The following STARD13 variants were observed in gnomAD, a reference collection of about 807,000 sequenced individuals.
The protein encoded by STARD13 is stAR-related lipid transfer protein 13.
STARD13 carries 62 observed loss-of-function variants against 106.4 expected under a neutral mutation model. The observed-to-expected ratio is 0.58, with a 90% CI of 0.48 to 0.72. STARD13 has a LOEUF of 0.72. Among genes scored for constraint, STARD13 ranks in the 30% least tolerant of loss-of-function variants. STARD13 has a pLI of 0.00. For missense variants in STARD13, 1,387 were observed against 1,424.0 expected (o/e 0.97, Z 0.42); for synonymous variants, 565 against 553.0 (o/e 1.02, Z -0.31).
At chr13:33,218,899 C>A (rs888067750) in intron 1 of STARD13, among the ~76,000 whole-genome samples, 2 of 152,132 alleles carry the variant, frequency 1.3e-5, no homozygotes, top group African/African-American at 4.8e-5. Flanking sequence ...TTATGCTGAA[C>A]AACACGGCAC....
intron 1 of STARD13, among the ~76,000 whole-genome samples, chr13:33,174,611 C>G (rs9527171): frequency 0.23 from 34,513 of 152,158 alleles, 4,909 homozygotes; most frequent in South Asian, 0.38. Context: ...AACAGCAGAC[C>G]AGCTGCTGAC....
intron 9 of STARD13, among the ~76,000 whole-genome samples, 200 bp from the exon 10 acceptor site, chr13:33,112,092 T>C (rs2138074075): frequency 1.3e-5 from 2 of 152,352 alleles, no homozygotes; most frequent in Non-Finnish European, 2.9e-5. Flanking sequence ...GGAAAAATCT[T>C]GGAAAACTAA....
At chr13:33,586,483 G>A in the STARD13 span, among the ~76,000 whole-genome samples, 1 of 152,158 alleles carries the variant, frequency 6.6e-6, no homozygotes, top group South Asian at 2.1e-4. Flanking sequence ...AGAAGAAGGG[G>A]AGGATTGCTA....
the STARD13 span, among the ~76,000 whole-genome samples, chr13:33,628,941 C>G: frequency 1.3e-5 from 2 of 152,206 alleles, no homozygotes; most frequent in Non-Finnish European, 2.9e-5. Flanking sequence ...GCTATTTGCT[C>G]AGTGCCAATG....
chr13:33,635,269 C>G, the STARD13 span, among the ~76,000 whole-genome samples: 3 of 151,992 alleles, frequency 2.0e-5, no homozygotes, highest in African/African-American at 7.3e-5. Context: ...GTTAAAATCC[C>G]GTTTCTAACA....
chr13:33,496,100 ATTAT>A, the STARD13 span, among the ~76,000 whole-genome samples: 1 of 142,078 alleles, frequency 7.0e-6, no homozygotes, highest in South Asian at 2.1e-4. Context: ...TAACTAAATA[ATTAT>A]TTAAATAATT....
the STARD13 span, among the ~76,000 whole-genome samples, chr13:33,561,577 A>G: frequency 8.7e-5 from 13 of 150,164 alleles, 1 homozygote; most frequent in Non-Finnish European, 4.4e-5. Context: ...GTGCCAGTGT[A>G]CCTGCCTGAA....
At chr13:33,521,655 G>T in the STARD13 span, among the ~76,000 whole-genome samples, 2 of 152,230 alleles carry the variant, frequency 1.3e-5, no homozygotes, top group Non-Finnish European at 2.9e-5. Flanking sequence ...ATTAACACCT[G>T]AGGATATATA....
chr13:33,445,633 T>C, the STARD13 span, among the ~76,000 whole-genome samples: 1 of 152,066 alleles, frequency 6.6e-6, no homozygotes, highest in Non-Finnish European at 1.5e-5. Context: ...TATATATATG[T>C]TTATTTGGCT....
At chr13:33,503,554 T>A in the STARD13 span, among the ~76,000 whole-genome samples, 1 of 152,248 alleles carries the variant, frequency 6.6e-6, no homozygotes, top group Non-Finnish European at 1.5e-5. Flanking sequence ...CTGCTTTAAA[T>A]ATGTGCCAGA....
At chr13:33,404,592 A>C in the STARD13 span, among the ~76,000 whole-genome samples, 1 of 152,182 alleles carries the variant, frequency 6.6e-6, no homozygotes, top group African/African-American at 2.4e-5. Flanking sequence ...CACTCTAAAC[A>C]ATAAAGTAAG....
At chr13:33,341,465 T>C (rs546613641) in intron 1 of STARD13, among the ~76,000 whole-genome samples, 1 of 152,074 alleles carries the variant, frequency 6.6e-6, no homozygotes, top group African/African-American at 2.4e-5. Flanking sequence ...GGTGAAATCC[T>C]GTCTCTACTA....
the STARD13 span, among the ~76,000 whole-genome samples, chr13:33,584,851 CT>C: frequency 1.3e-5 from 2 of 151,884 alleles, no homozygotes; most frequent in Non-Finnish European, 2.9e-5. Context: ...TGAGATTCAG[CT>C]GTTTAAAAGT....
At chr13:33,491,829 C>A in the STARD13 span, among the ~76,000 whole-genome samples, 1 of 151,962 alleles carries the variant, frequency 6.6e-6, no homozygotes, top group Non-Finnish European at 1.5e-5. Context: ...AATGCAAGAA[C>A]CTCTGGTAGT....
At chr13:33,532,896 T>C in the STARD13 span, among the ~76,000 whole-genome samples, 47,018 of 152,098 alleles carry the variant, frequency 0.31, 8,177 homozygotes, top group Non-Finnish European at 0.4. Context: ...AAGTGGTTCT[T>C]GTGGACCAGA....
chr13:33,190,588 CTT>C (rs71196510), intron 1 of STARD13, among the ~76,000 whole-genome samples: 67 of 131,128 alleles, frequency 5.1e-4, no homozygotes, highest in African/African-American at 5.3e-4. Context: ...CTTTTCTTTT[CTT>C]TTTTTTTTTT....
the STARD13 span, among the ~76,000 whole-genome samples, chr13:33,449,011 A>G: frequency 3.3e-5 from 5 of 151,762 alleles, no homozygotes; most frequent in East Asian, 1.9e-4. Context: ...ATAGTTTGCA[A>G]ATATATTCTC....
At chr13:33,535,952 A>C in the STARD13 span, among the ~76,000 whole-genome samples, 1 of 152,218 alleles carries the variant, frequency 6.6e-6, no homozygotes. Flanking sequence ...CTTATAGAAC[A>C]CACAGAGGTC....
intron 12 of STARD13, among the ~76,000 whole-genome samples, chr13:33,109,214 T>G (rs1244827587): frequency 1.3e-5 from 2 of 152,210 alleles, no homozygotes; most frequent in Non-Finnish European, 2.9e-5. Context: ...CACCCTCAAT[T>G]TCTGTTCTGG....
Sources: allele counts gnomAD v4.1 joint callset (sites outside exome capture counted in the v4.1 genomes callset), GRCh38; gene constraint gnomAD v4.1.1; transcripts MANE v1.5; gene names NCBI Gene and HGNC (gene_info 2026-07-23, HGNC 2026-07-21).